TTC7A: variants seen among roughly 807,000 people sequenced by gnomAD.
TTC7A encodes tetratricopeptide repeat protein 7A.
In TTC7A, 110 loss-of-function variants were observed where a neutral mutation model predicts 103.7. The observed-to-expected ratio is 1.06, with a 90% CI of 0.91 to 1.24. The LOEUF (loss-of-function observed/expected upper bound fraction) is 1.24. TTC7A is among the 50% of genes most tolerant of loss of function. The pLI, the probability that TTC7A is intolerant of heterozygous loss-of-function variation, is 0.00. For synonymous variants in TTC7A, 521 were observed against 467.9 expected, an observed-to-expected ratio of 1.11 and a Z score of -1.47; for missense variants, 1,340 against 1,116.3, an observed-to-expected ratio of 1.20 and a Z score of -2.86.
chr2:47,054,264 CA>C, intron 18 of TTC7A: 2 of 664,898 alleles, frequency 3.0e-6, no homozygotes, highest in East Asian at 2.8e-4. Flanking sequence ...TAACAGTTTA[CA>C]GTTTACAGAT....
chr2:46,982,371 G>C (rs1171221099), intron 5 of TTC7A, among the ~76,000 whole-genome samples: 1 of 151,034 alleles, frequency 6.6e-6, no homozygotes, highest in African/African-American at 2.4e-5. Flanking sequence ...GAGACCCTCT[G>C]TCAAGAAAAA....
chr2:46,938,549 AT>A (rs1381198541), upstream of TTC7A, among the ~76,000 whole-genome samples: 2 of 152,106 alleles, frequency 1.3e-5, no homozygotes, highest in African/African-American at 2.4e-5. Flanking sequence ...TCTCCTGAGG[AT>A]TTTTTTCCTT....
chr2:46,919,860 C>T (rs1475300142), intron 2 of TTC7A, among the ~76,000 whole-genome samples: 2 of 152,234 alleles, frequency 1.3e-5, no homozygotes, highest in South Asian at 4.1e-4. Context: ...CTCTATCACC[C>T]TTGCATTGGA....
intron 11 of TTC7A, among the ~76,000 whole-genome samples, chr2:47,019,623 T>C (rs751702679): frequency 3.3e-5 from 5 of 152,178 alleles, no homozygotes; most frequent in Non-Finnish European, 5.9e-5. Context: ...TGATTAGCTC[T>C]TTTAATCTAG....
At position 47,029,367 on chromosome 2, in the gene TTC7A, G is replaced by A; in HGVS notation, c.1785G>A (p.Glu595=). Residue 595 remains glutamate (E), a synonymous_variant, in exon 15 of 20, where the codon GAG becomes GAA. Transcript: ENST00000319190. The stretch of plus-strand genomic sequence containing the variant: ...ATGTTGTCAACATGGCCATCACCGA[G>A]CACCCTGAGAACTTCAAGTGAGTGC... ...ALDVVNMAIT[E]HPENFNLMFT... The A allele has an allele frequency of 2.5e-6, 4 of 1,613,834 alleles. No individual in the cohort carries two copies. The highest frequency in any genetic ancestry group is 1.6e-4 in the Middle Eastern group (1 of 6,062).
chr2:47,010,803 G>A (rs1015106281), intron 10 of TTC7A, among the ~76,000 whole-genome samples: 1 of 152,188 alleles, frequency 6.6e-6, no homozygotes, highest in African/African-American at 2.4e-5. Flanking sequence ...GGGTTCAAGC[G>A]ATTCTCGTGT....
At chr2:47,049,219 T>G (rs1392776973) in intron 16 of TTC7A, among the ~76,000 whole-genome samples, 1 of 152,082 alleles carries the variant, frequency 6.6e-6, no homozygotes, top group Non-Finnish European at 1.5e-5. Context: ...GGGTCAAAGG[T>G]TGTGGGCTTC....
chr2:46,956,496 C>T (rs1671861249), intron 2 of TTC7A: 1 of 259,560 alleles, frequency 3.9e-6, no homozygotes, highest in Non-Finnish European at 7.5e-6. Context: ...AATGCCTGAG[C>T]TTCTGAGTGC....
intron 2 of TTC7A, among the ~76,000 whole-genome samples, chr2:46,934,253 A>G (rs1207012801): frequency 1.3e-5 from 2 of 152,166 alleles, no homozygotes; most frequent in Non-Finnish European, 2.9e-5. Context: ...AACCATTTAA[A>G]TGAACTCGAT....
intron 15 of TTC7A, among the ~76,000 whole-genome samples, chr2:47,032,781 G>A (rs1423604596): frequency 7.1e-6 from 1 of 141,006 alleles, no homozygotes; most frequent in African/African-American, 2.7e-5. Context: ...CTAAAAGGCT[G>A]CAAAACTAAT....
At chr2:47,047,407 G>T in intron 16 of TTC7A, 2 of 1,024,206 alleles carry the variant, frequency 2.0e-6, no homozygotes, top group South Asian at 1.5e-5. Flanking sequence ...GACCAGGGCA[G>T]AGGAGGACCA....
intron 19 of TTC7A, among the ~76,000 whole-genome samples, chr2:47,072,794 C>G (rs1051994911): frequency 2.9e-5 from 3 of 102,878 alleles, no homozygotes; most frequent in African/African-American, 8.3e-5. Context: ...CTTTGTGGGA[C>G]CTGAGGCTGA....
intron 11 of TTC7A, among the ~76,000 whole-genome samples, chr2:47,019,808 C>T (rs913537295): frequency 3.9e-5 from 6 of 152,096 alleles, no homozygotes; most frequent in Admixed American, 2.0e-4. Context: ...ATAACTTGTG[C>T]TTGGTGTTTG....
chr2:46,970,906 G>A (rs776757392), intron 3 of TTC7A, among the ~76,000 whole-genome samples: 2 of 152,216 alleles, frequency 1.3e-5, no homozygotes, highest in African/African-American at 4.8e-5. Context: ...TTCTCTGCCC[G>A]CTTTCCTCCA....
intron 3 of TTC7A, among the ~76,000 whole-genome samples, chr2:46,959,455 G>A (rs1672188352): frequency 6.6e-6 from 1 of 152,152 alleles, no homozygotes; most frequent in African/African-American, 2.4e-5. Context: ...CATCTGGCTG[G>A]AGGAGGAGGA....
chr2:46,952,613 G>A (rs188311894), intron 2 of TTC7A, among the ~76,000 whole-genome samples: 28 of 152,226 alleles, frequency 1.8e-4, no homozygotes, highest in Admixed American at 4.6e-4. Flanking sequence ...TTAGCTAGGC[G>A]TGGTGGCTTG....
At chr2:47,006,889 T>G (rs566370892) in intron 10 of TTC7A, among the ~76,000 whole-genome samples, 165 bp downstream of exon 10, 1 of 152,264 alleles carries the variant, frequency 6.6e-6, no homozygotes, top group East Asian at 1.9e-4. Context: ...AGACACCTTG[T>G]GTGAATTCCT....
At chr2:46,942,589 G>A (rs944727587) in intron 1 of TTC7A, among the ~76,000 whole-genome samples, 2 of 152,210 alleles carry the variant, frequency 1.3e-5, no homozygotes, top group Non-Finnish European at 2.9e-5. Context: ...CTGTGTGCCA[G>A]ACACTGTCCT....
chr2:46,992,732 T>C (rs1305169029), intron 5 of TTC7A, among the ~76,000 whole-genome samples: 1 of 152,190 alleles, frequency 6.6e-6, no homozygotes, highest in Non-Finnish European at 1.5e-5. Context: ...GAATGCAAGA[T>C]CTATTTAGTG....
Sources: gnomAD v4.1 joint callset for allele counts (sites outside exome capture counted in the v4.1 genomes callset) on GRCh38, gnomAD v4.1.1 for gene constraint, MANE v1.5 for transcripts, NCBI Gene and HGNC (gene_info 2026-07-23, HGNC 2026-07-21) for gene names.